Variants in DOCK5 observed in about 807,000 individuals in gnomAD.
The protein encoded by DOCK5 is dedicator of cytokinesis 5.
A neutral mutation model predicts 251.8 loss-of-function variants in DOCK5; 142 were observed. The ratio of observed to expected loss-of-function variants is 0.56; its 90% confidence interval spans 0.49 to 0.65. The LOEUF (loss-of-function observed/expected upper bound fraction) is 0.65, where lower values mean the gene tolerates loss of function less well. Among genes scored for constraint, DOCK5 ranks in the 30% least tolerant of loss-of-function variants. The pLI, the probability that DOCK5 is intolerant of heterozygous loss-of-function variation, is 0.00. For synonymous variants in DOCK5, 842 were observed against 835.5 expected, an observed-to-expected ratio of 1.01 and a Z score of -0.13; for missense variants, 2,111 against 2,312.3, an observed-to-expected ratio of 0.91 and a Z score of 1.79.
chr8:25,311,669 C>A (rs1805100550), intron 13 of DOCK5, among the ~76,000 whole-genome samples: 1 of 151,978 alleles, frequency 6.6e-6, no homozygotes, highest in African/African-American at 2.4e-5. Flanking sequence ...CGTCTGTAAT[C>A]CCAGAACTTT....
chr8:25,391,185 A>G (rs944158784), intron 42 of DOCK5, among the ~76,000 whole-genome samples: 10 of 148,434 alleles, frequency 6.7e-5, no homozygotes, highest in Non-Finnish European at 8.9e-5. Context: ...GCTGGGACAT[A>G]CACCACCACA....
At chr8:25,310,783 T>C (rs1467616269) in intron 13 of DOCK5, among the ~76,000 whole-genome samples, 3 of 152,190 alleles carry the variant, frequency 2.0e-5, no homozygotes, top group Non-Finnish European at 4.4e-5. Context: ...TTTAAGACTA[T>C]CTCCCCGAGA....
chr8:25,389,158 C>T lies in DOCK5; in HGVS notation c.4199C>T (p.Thr1400Ile), dbSNP rs377293207. ...GAGGACTTCAGCCTGAGGTTGTTAA[C>T]CCAGTTCCCCAATGCGGAGAAGATG... is the stretch of plus-strand genomic sequence containing the variant. ...RREDFSLRLL[T>I]QFPNAEKMTS... Residue 1400 changes from threonine to isoleucine, a missense_variant, in exon 41 of 52, where the codon ACC (threonine) becomes ATC (isoleucine). Thr to Ile is a moderately conservative substitution (Grantham distance 89). This residue lies in a region of DOCK5 where 1,717 missense variants were observed against 1,892.4 expected (regional missense o/e 0.91). Transcript: ENST00000276440. 2 of 1,613,882 alleles carry T rather than the reference C, an allele frequency of 1.2e-6. No individual in the cohort carries two copies.
intron 38 of DOCK5, among the ~76,000 whole-genome samples, chr8:25,379,322 A>C (rs917446700): frequency 7.0e-5 from 7 of 100,478 alleles, no homozygotes; most frequent in South Asian, 3.8e-4. Context: ...ACCTCCCCCC[A>C]AGGAATGCAT....
chr8:25,326,933 GAACTTTTT>G (rs1295997946), intron 18 of DOCK5, among the ~76,000 whole-genome samples: 2 of 152,194 alleles, frequency 1.3e-5, no homozygotes, highest in Non-Finnish European at 2.9e-5. Context: ...AGGACACGGT[GAACTTTTT>G]AACACTATAT....
intron 27 of DOCK5, among the ~76,000 whole-genome samples, chr8:25,355,529 G>A (rs548412782): frequency 1.3e-5 from 2 of 152,102 alleles, no homozygotes; most frequent in South Asian, 2.1e-4. Context: ...GGCTCACTGC[G>A]ACCTCCACCT....
chr8:25,280,601 A>G (rs1804164673), intron 5 of DOCK5, among the ~76,000 whole-genome samples: 1 of 152,202 alleles, frequency 6.6e-6, no homozygotes, highest in Non-Finnish European at 1.5e-5. Flanking sequence ...TAAACATAGC[A>G]ATCTATAACG....
rs1023941335 is a variant in DOCK5 at position 25,254,355 on chromosome 8, A to C, written c.127+10598A>C. Among the ~76,000 whole-genome samples the C allele has an allele frequency of 5.9e-5, 9 of 152,192 alleles. No homozygotes were observed. In the East Asian group the frequency reaches 1.7e-3, roughly 29 times the overall value. Reference sequence around the variant, plus strand: ...GGTAACTTTTTAGATATAACACTGAAAACACAGTTATATGAAAGAAATAAG... The same window carrying C: ...GGTAACTTTTTAGATATAACACTGACAACACAGTTATATGAAAGAAATAAG... On this transcript the variant is annotated intron_variant, in intron 2 of 51. Transcript: ENST00000276440.
intron 1 of DOCK5, among the ~76,000 whole-genome samples, chr8:25,190,720 C>T (rs371220005): frequency 2.0e-5 from 3 of 147,504 alleles, no homozygotes; most frequent in South Asian, 2.1e-4. Flanking sequence ...AACACTGTAC[C>T]GGATATTATA....
Position 25,268,870 on chromosome 8 carries a change from A to G in DOCK5, c.153A>G (p.Gln51=). The G allele has an allele frequency of 6.4e-7, 1 of 1,559,028 alleles. No individual in the cohort carries two copies. The highest frequency in any genetic ancestry group is 8.6e-7 in the Non-Finnish European group (1 of 1,157,724). ...GTTGGTACAGAGGATATACCCTCCAAAATAAATCTAAAAAGGTATGACTTA... is the reference window on the plus strand; with the variant it reads ...GTTGGTACAGAGGATATACCCTCCAGAATAAATCTAAAAAGGTATGACTTA... ...YEGWYRGYTL[Q]NKSKKGIFPE... The change falls in exon 3 of 52, where the codon CAA becomes CAG. Residue 51 remains glutamine, a synonymous_variant. Transcript: ENST00000276440.
At chr8:25,349,106 A>C (rs1800422160) in intron 26 of DOCK5, among the ~76,000 whole-genome samples, 1 of 152,222 alleles carries the variant, frequency 6.6e-6, no homozygotes, top group Non-Finnish European at 1.5e-5. Context: ...GAAGAGAAGA[A>C]GGGACAGAGG....
chr8:25,265,452 G>T (rs1803717274), intron 2 of DOCK5, among the ~76,000 whole-genome samples: 1 of 151,770 alleles, frequency 6.6e-6, no homozygotes, highest in African/African-American at 2.4e-5. Flanking sequence ...AAGTTTCTTT[G>T]CCCAGATCTG....
At chr8:25,194,401 C>G (rs62503185) in intron 1 of DOCK5, among the ~76,000 whole-genome samples, 94,633 of 152,006 alleles carry the variant, frequency 0.62, 32,132 homozygotes, top group Non-Finnish European at 0.76. Context: ...ATTTTCTTCT[C>G]TAGACTTTTG....
intron 42 of DOCK5, among the ~76,000 whole-genome samples, chr8:25,390,671 C>T (rs1001773313): frequency 6.6e-6 from 1 of 152,144 alleles, no homozygotes; most frequent in Admixed American, 6.5e-5. Flanking sequence ...CACCCAAAAG[C>T]ATCGCAGAGG....
At chr8:25,217,026 T>C (rs1465042736) in intron 1 of DOCK5, among the ~76,000 whole-genome samples, 1 of 145,582 alleles carries the variant, frequency 6.9e-6, no homozygotes, top group African/African-American at 2.5e-5. Flanking sequence ...TATGTATAGA[T>C]GTATACAATA....
intron 40 of DOCK5, among the ~76,000 whole-genome samples, chr8:25,384,304 A>G (rs1801120682): frequency 3.3e-5 from 5 of 152,128 alleles, no homozygotes; most frequent in Admixed American, 3.3e-4. Context: ...GCCTGGGGAA[A>G]TTTTTGGTGG....
chr8:25,363,388 T>C (rs1586364124), intron 29 of DOCK5, among the ~76,000 whole-genome samples: 1 of 152,316 alleles, frequency 6.6e-6, no homozygotes, highest in East Asian at 1.9e-4. Context: ...TCATGGTAAT[T>C]GTCATCCTCA....
intron 41 of DOCK5, among the ~76,000 whole-genome samples, chr8:25,389,548 A>G (rs1461314091): frequency 6.6e-6 from 1 of 152,208 alleles, no homozygotes; most frequent in African/African-American, 2.4e-5. Context: ...TTGAGACAGT[A>G]TCTCTGTCCT....
At chr8:25,189,358 G>T (rs1048255712) in intron 1 of DOCK5, among the ~76,000 whole-genome samples, 5 of 151,898 alleles carry the variant, frequency 3.3e-5, no homozygotes, top group African/African-American at 1.2e-4. Context: ...GAGCCTGGCT[G>T]ATTTTTTTTT....
Sources: gnomAD v4.1 joint callset for allele counts (sites outside exome capture counted in the v4.1 genomes callset) on GRCh38, gnomAD v4.1.1 for gene constraint, gnomAD v4.1.1 regional missense constraint, MANE v1.5 for transcripts, NCBI Gene and HGNC (gene_info 2026-07-23, HGNC 2026-07-21) for gene names.